FBXO11: variants seen among roughly 807,000 people sequenced by gnomAD.
The protein encoded by FBXO11 is F-box protein 11, also known as F-box only protein 11.
A neutral mutation model predicts 117.0 loss-of-function variants in FBXO11; 13 were observed. The observed-to-expected ratio is 0.11, with a 90% CI of 0.07 to 0.18. The LOEUF (loss-of-function observed/expected upper bound fraction) is 0.18. Ranked by LOEUF, FBXO11 falls within the 10% of genes least tolerant of loss-of-function variation. The pLI, the probability that FBXO11 is intolerant of heterozygous loss-of-function variation, is 1.00. For synonymous variants in FBXO11, 490 were observed against 380.5 expected, an observed-to-expected ratio of 1.29 and a Z score of -3.35; for missense variants, 767 against 1,164.4, an observed-to-expected ratio of 0.66 and a Z score of 4.97.
At chr2:47,844,626 A>G (rs1036755326) in intron 1 of FBXO11, among the ~76,000 whole-genome samples, 1 of 151,950 alleles carries the variant, frequency 6.6e-6, no homozygotes, top group Non-Finnish European at 1.5e-5. Flanking sequence ...TTATATGTTT[A>G]TAGTTTTGTT....
In FBXO11 at chr2:47,831,071, T is replaced by A. The variant is rs912440731; in HGVS notation, c.1398+1278A>T. Among the ~76,000 whole-genome samples, 4 of 150,844 alleles carry A rather than the reference T, an allele frequency of 2.7e-5. No homozygotes were observed. The East Asian group carries it at 8.0e-4, about 30-fold the overall frequency. ...GCCTTGGCCTCCCAAAGTGCTGGGA[T>A]TACAGGTGTGAGCCACTGCACCCGG... On this transcript the variant is annotated intron_variant, in intron 11 of 22. Coordinates refer to ENST00000403359, the MANE Select transcript of FBXO11 (RefSeq NM_001190274.2).
intron 1 of FBXO11, among the ~76,000 whole-genome samples, chr2:47,887,486 G>C (rs1676949098): frequency 6.6e-6 from 1 of 152,086 alleles, no homozygotes; most frequent in Non-Finnish European, 1.5e-5. Context: ...CCAGCACTTT[G>C]TGAGGCTGAG....
At chr2:47,826,641 T>C (rs1408724493) in intron 11 of FBXO11, among the ~76,000 whole-genome samples, 1 of 152,202 alleles carries the variant, frequency 6.6e-6, no homozygotes, top group Non-Finnish European at 1.5e-5. Context: ...TAGTGTGCTA[T>C]TCAGAGTTGA....
intron 1 of FBXO11, among the ~76,000 whole-genome samples, chr2:47,894,989 AT>A (rs1677549365): frequency 6.6e-6 from 1 of 152,196 alleles, no homozygotes. Context: ...AAATAAAATA[AT>A]TTCCAATTAT....
chr2:47,831,728 T>A (rs1672206566), intron 11 of FBXO11, among the ~76,000 whole-genome samples: 1 of 152,138 alleles, frequency 6.6e-6, no homozygotes, highest in Non-Finnish European at 1.5e-5. Context: ...AAAAGTCATG[T>A]CTCTAGAAAA....
At chr2:47,900,023 G>A (rs2104050889) in intron 1 of FBXO11, among the ~76,000 whole-genome samples, 1 of 152,198 alleles carries the variant, frequency 6.6e-6, no homozygotes, top group East Asian at 1.9e-4. Flanking sequence ...TGTGGTTCCT[G>A]CCTTACCTAG....
chr2:47,829,070 C>T (rs947201647), intron 11 of FBXO11, among the ~76,000 whole-genome samples: 2 of 151,678 alleles, frequency 1.3e-5, no homozygotes, highest in African/African-American at 2.4e-5. Flanking sequence ...TACAGGCACA[C>T]GCCACCACGA....
chr2:47,842,435 AT>A (rs1222221465), intron 1 of FBXO11, among the ~76,000 whole-genome samples: 1 of 152,214 alleles, frequency 6.6e-6, no homozygotes, highest in African/African-American at 2.4e-5. Flanking sequence ...CAAGCTGTGT[AT>A]TTGTGTTTTA....
intron 1 of FBXO11, among the ~76,000 whole-genome samples, chr2:47,863,180 A>G (rs1426585611): frequency 6.6e-6 from 1 of 152,198 alleles, no homozygotes; most frequent in Non-Finnish European, 1.5e-5. Context: ...AAATAAAACC[A>G]AAACATTGTT....
chr2:47,813,878 AAT>A lies in FBXO11; in HGVS notation c.2007-13_2007-12del, dbSNP rs767570406. 138 of 1,584,314 alleles carry A rather than the reference AAT, an allele frequency of 8.7e-5. No individual in the cohort carries two copies. Among genetic ancestry groups the A allele is most frequent in the Non-Finnish European group, 1.1e-4 (131 of 1,153,282 alleles). On this transcript the variant is annotated splice_polypyrimidine_tract_variant and intron_variant, in intron 16 of 22. Transcript: ENST00000403359. ...GGGTTGCTTCCAGTCCTGTAAACAG[AAT>A]AGACAATAATACCATTTCAATAGCT... is the stretch of plus-strand genomic sequence containing the variant.
chr2:47,855,232 ACT>A (rs1674193877), intron 1 of FBXO11, among the ~76,000 whole-genome samples: 1 of 150,980 alleles, frequency 6.6e-6, no homozygotes, highest in Non-Finnish European at 1.5e-5. Flanking sequence ...ACAGGGTCTC[ACT>A]CTGTCGCCCA....
chr2:47,900,720 G>A (rs1237928172), intron 1 of FBXO11, among the ~76,000 whole-genome samples: 1 of 108,202 alleles, frequency 9.2e-6, no homozygotes, highest in African/African-American at 3.7e-5. Flanking sequence ...ATATATACAC[G>A]TATACACACA....
chr2:47,813,777 C>A lies in FBXO11; in HGVS notation c.2083+14G>T. On this transcript the variant is annotated intron_variant, in intron 17 of 22. Transcript: ENST00000403359. ...GTTTATTAACACAGAAAAAAGATGACAGATTAAACATACCAGAATTATAAA... is the reference window on the plus strand; with the variant it reads ...GTTTATTAACACAGAAAAAAGATGAAAGATTAAACATACCAGAATTATAAA... 1 of 1,597,960 alleles carries A rather than the reference C, an allele frequency of 6.3e-7. No individual in the cohort carries two copies. The highest frequency in any genetic ancestry group is 8.6e-7 in the Non-Finnish European group (1 of 1,165,822).
At chr2:47,841,090 C>T (rs1043348919) in intron 1 of FBXO11, among the ~76,000 whole-genome samples, 2 of 151,838 alleles carry the variant, frequency 1.3e-5, no homozygotes, top group South Asian at 2.1e-4. Context: ...CCCAGCTACT[C>T]AGGAGGCTGA....
chr2:47,852,557 T>C (rs1171971378), intron 1 of FBXO11, among the ~76,000 whole-genome samples: 1 of 152,244 alleles, frequency 6.6e-6, no homozygotes, highest in African/African-American at 2.4e-5. Context: ...AGCAAAATAA[T>C]TTTTAAGTCA....
chr2:47,812,263 G>A (rs1670671667), intron 18 of FBXO11, among the ~76,000 whole-genome samples: 1 of 152,122 alleles, frequency 6.6e-6, no homozygotes, highest in East Asian at 1.9e-4. Flanking sequence ...CATATCTCTA[G>A]CATCTGTATC....
At chr2:47,828,438 T>C (rs1162993622) in intron 11 of FBXO11, among the ~76,000 whole-genome samples, 1 of 152,124 alleles carries the variant, frequency 6.6e-6, no homozygotes, top group East Asian at 1.9e-4. Flanking sequence ...TAAAACCCTG[T>C]CTGTACTAAA....
intron 1 of FBXO11, among the ~76,000 whole-genome samples, chr2:47,900,904 A>ACGTG (rs1558487731): frequency 8.2e-6 from 1 of 121,300 alleles, no homozygotes; most frequent in Non-Finnish European, 1.8e-5. Flanking sequence ...ATATACACAC[A>ACGTG]TATATATGTA....
chr2:47,901,128 C>CATATATATACATAT (rs1262333844), intron 1 of FBXO11, among the ~76,000 whole-genome samples: 7 of 84,520 alleles, frequency 8.3e-5, no homozygotes, highest in South Asian at 3.9e-4. Flanking sequence ...CACGTGTGTA[C>CATATATATACATAT]ATGTATATAT....
Sources: gnomAD v4.1 joint callset for allele counts (sites outside exome capture counted in the v4.1 genomes callset) on GRCh38, gnomAD v4.1.1 for gene constraint, MANE v1.5 for transcripts, NCBI Gene and HGNC (gene_info 2026-07-23, HGNC 2026-07-21) for gene names.